Variants in SH3KBP1 observed in about 807,000 individuals in gnomAD.
SH3KBP1 encodes the protein SH3 domain containing kinase binding protein 1, also known as SH3 domain-containing kinase-binding protein 1.
Under a neutral mutation model 50.1 loss-of-function variants are expected in SH3KBP1, and 8 were observed. The ratio of observed to expected loss-of-function variants is 0.16; its 90% CI spans 0.09 to 0.29. The LOEUF is 0.29. Ranked by LOEUF, SH3KBP1 falls within the 10% of genes least tolerant of loss-of-function variation. The pLI is 1.00. For missense variants in SH3KBP1, 377 were observed against 535.2 expected, an observed-to-expected ratio of 0.70 and a Z score of 2.92; for synonymous variants, 227 against 218.6, an observed-to-expected ratio of 1.04 and a Z score of -0.34.
chrX:19,555,011 A>T (rs1362699061), intron 13 of SH3KBP1, among the ~76,000 whole-genome samples: 10 of 112,618 alleles, frequency 8.9e-5, no homozygotes, highest in Non-Finnish European at 9.4e-5. Flanking sequence ...TCCATGACTA[A>T]CCCATTGTGG....
intron 6 of SH3KBP1, among the ~76,000 whole-genome samples, chrX:19,678,307 G>T (rs1469570947): frequency 9.1e-6 from 1 of 110,018 alleles, no homozygotes; most frequent in Non-Finnish European, 1.9e-5. Context: ...GTCATCAAAA[G>T]TGTCTATAGA....
At chrX:19,816,728 A>G (rs1224164347) in intron 2 of SH3KBP1, among the ~76,000 whole-genome samples, 1 of 111,466 alleles carries the variant, frequency 9.0e-6, no homozygotes, top group Non-Finnish European at 1.9e-5. Context: ...GGAGCACTTG[A>G]GCCTGGGAGG....
intron 13 of SH3KBP1, among the ~76,000 whole-genome samples, chrX:19,559,932 T>TA (rs1006340991): frequency 1.8e-5 from 2 of 111,332 alleles, no homozygotes; most frequent in East Asian, 2.8e-4. Flanking sequence ...TAACTTGGGT[T>TA]AAAAAAATCA....
At chrX:19,676,974 G>A (rs1395301487) in intron 6 of SH3KBP1, among the ~76,000 whole-genome samples, 1 of 112,352 alleles carries the variant, frequency 8.9e-6, no homozygotes, top group East Asian at 2.8e-4. Context: ...GAAGCTTCTT[G>A]AAAGATTTCT....
intron 15 of SH3KBP1, 21 bp from the exon 16 acceptor site, chrX:19,542,214 G>A (rs1325136742): frequency 8.7e-7 from 1 of 1,154,121 alleles, no homozygotes; most frequent in African/African-American, 1.8e-5. Context: ...GGAAGGCAGG[G>A]AGGGTTCAGG....
chrX:19,855,402 TAAATGAGTGAGGCTGTGTTCCATA>T (rs1399819056), intron 1 of SH3KBP1, among the ~76,000 whole-genome samples: 1 of 112,399 alleles, frequency 8.9e-6, no homozygotes, highest in East Asian at 2.8e-4. Context: ...ACAACAAACA[TAAATGAGTGAGGCTGTGTTCCATA>T]AAGCTTTATT....
intron 2 of SH3KBP1, among the ~76,000 whole-genome samples, chrX:19,835,017 G>A (rs2068017988): frequency 9.5e-6 from 1 of 105,624 alleles, no homozygotes; most frequent in South Asian, 4.4e-4. Flanking sequence ...CTCCAACCTG[G>A]GCAACAGAGC....
At chrX:19,718,898 G>C (rs927715916) in intron 3 of SH3KBP1, among the ~76,000 whole-genome samples, 3 of 110,870 alleles carry the variant, frequency 2.7e-5, no homozygotes, top group Non-Finnish European at 3.8e-5. Flanking sequence ...CAGTGACCAA[G>C]CCAAGGTTAT....
intron 1 of SH3KBP1, among the ~76,000 whole-genome samples, chrX:19,871,329 A>T (rs1177932635): frequency 8.9e-6 from 1 of 112,539 alleles, no homozygotes; most frequent in Non-Finnish European, 1.9e-5. Flanking sequence ...TATGCTTAAC[A>T]GGCACTCAAT....
At chrX:19,702,475 G>A (rs1318944566) in intron 4 of SH3KBP1, among the ~76,000 whole-genome samples, 3 of 110,797 alleles carry the variant, frequency 2.7e-5, no homozygotes, top group Non-Finnish European at 5.7e-5. Context: ...CTGACTGGGG[G>A]CCACTGAGAA....
intron 2 of SH3KBP1, among the ~76,000 whole-genome samples, chrX:19,762,751 C>T (rs987190957): frequency 3.6e-5 from 4 of 111,775 alleles, no homozygotes; most frequent in Non-Finnish European, 7.5e-5. Flanking sequence ...AGGTGAGCTG[C>T]GTTATTTGTC....
At chrX:19,667,445 G>A (rs1488345481) in intron 6 of SH3KBP1, among the ~76,000 whole-genome samples, 1 of 110,898 alleles carries the variant, frequency 9.0e-6, no homozygotes, top group Non-Finnish European at 1.9e-5. Context: ...GGGCAACATA[G>A]TAAGACCCTG....
intron 11 of SH3KBP1, among the ~76,000 whole-genome samples, chrX:19,589,968 G>A (rs191611189): frequency 6.6e-4 from 73 of 110,476 alleles, no homozygotes; most frequent in African/African-American, 2.4e-3. Flanking sequence ...AAAACTAGCC[G>A]GGCATGGTGG....
At chrX:19,819,478 C>A (rs185726429) in intron 2 of SH3KBP1, among the ~76,000 whole-genome samples, 268 of 110,895 alleles carry the variant, frequency 2.4e-3, no homozygotes, top group African/African-American at 8.4e-3. Context: ...GGACCACAGG[C>A]ATGCACCACC....
At position 19,670,625 on chromosome X, in the gene SH3KBP1, C is replaced by T. The variant is rs72616083; in HGVS notation, c.726+13198G>A. Among the ~76,000 whole-genome samples, 191 of 110,259 alleles carry T rather than the reference C, an allele frequency of 1.7e-3. 3 individuals carry two copies. Among genetic ancestry groups the T allele is most frequent in the East Asian group, 0.014 (51 of 3,525 alleles). ...TTGACCAAAGTGGGAGGGATTAAAA[C>T]GGCTAAATAGCTCCAGAGTGACATT... is the stretch of plus-strand genomic sequence containing the variant. On this transcript the variant is annotated intron_variant, in intron 6 of 17. Transcript: ENST00000397821.
chrX:19,553,597 G>C (rs1389390406), intron 13 of SH3KBP1, among the ~76,000 whole-genome samples: 3 of 108,170 alleles, frequency 2.8e-5, no homozygotes, highest in African/African-American at 6.7e-5. Flanking sequence ...GGCTCCTAGC[G>C]GGATGTGAGT....
chrX:19,564,306 G>T (rs763061991), intron 13 of SH3KBP1, among the ~76,000 whole-genome samples: 1 of 112,043 alleles, frequency 8.9e-6, no homozygotes, highest in South Asian at 3.8e-4. Context: ...TGTGTTAATG[G>T]TCGCTATTAC....
At chrX:19,849,765 C>T in intron 1 of SH3KBP1, among the ~76,000 whole-genome samples, 1 of 106,081 alleles carries the variant, frequency 9.4e-6, no homozygotes. Flanking sequence ...TTCAAACAAA[C>T]ACCTTTTAAA....
At chrX:19,832,876 G>A (rs1260038441) in intron 2 of SH3KBP1, among the ~76,000 whole-genome samples, 2 of 111,958 alleles carry the variant, frequency 1.8e-5, no homozygotes. Flanking sequence ...TCCAGCTCTC[G>A]CGTGGGCAGT....
Sources: allele counts gnomAD v4.1 joint callset (sites outside exome capture counted in the v4.1 genomes callset), GRCh38; gene constraint gnomAD v4.1.1; transcripts MANE v1.5; gene names NCBI Gene and HGNC (gene_info 2026-07-23, HGNC 2026-07-21).